Variants in POU6F2 observed in about 807,000 individuals in gnomAD.
POU6F2 encodes the protein POU class 6 homeobox 2, also known as POU domain, class 6, transcription factor 2.
Under a neutral mutation model 71.3 loss-of-function variants are expected in POU6F2, and 31 were observed. The ratio of observed to expected loss-of-function variants is 0.43; its 90% CI spans 0.33 to 0.59. The LOEUF (loss-of-function observed/expected upper bound fraction) is 0.59, where lower values mean the gene tolerates loss of function less well. Among genes scored for constraint, POU6F2 ranks in the 20% least tolerant of loss-of-function variants. The pLI is 0.04. For missense variants in POU6F2, 783 were observed against 856.8 expected (o/e 0.91, Z 1.07); for synonymous variants, 347 against 355.7 (o/e 0.98, Z 0.27).
At chr7:39,144,685 A>T (rs1792578889) in intron 2 of POU6F2, among the ~76,000 whole-genome samples, 1 of 152,116 alleles carries the variant, frequency 6.6e-6, no homozygotes, top group South Asian at 2.1e-4. Flanking sequence ...GCTTTCTAGT[A>T]CCTCCACGGG....
chr7:39,024,739 A>C (rs1011828326), intron 1 of POU6F2, among the ~76,000 whole-genome samples: 21 of 151,970 alleles, frequency 1.4e-4, no homozygotes, highest in Non-Finnish European at 2.5e-4. Flanking sequence ...TGTCAAAGGC[A>C]TTTTCTGCAT....
At position 39,027,422 on chromosome 7, in the gene POU6F2, T is replaced by C. The variant is rs574757610; in HGVS notation, c.105+49364T>C. ...GGCACTGCAGTGCTCAAAACCCTAT[T>C]GCCCACAAGGGCTTTTAAAAACCTG... is the stretch of plus-strand genomic sequence containing the variant. On this transcript the variant is annotated intron_variant, in intron 1 of 9. Coordinates refer to ENST00000518318, the MANE Select transcript of POU6F2 (RefSeq NM_001370959.1). Among the ~76,000 whole-genome samples, 65 of 152,274 alleles carry C rather than the reference T, an allele frequency of 4.3e-4. 1 individual carries two copies. The highest frequency in any genetic ancestry group is 1.2e-3 in the Admixed American group (18 of 15,288).
At chr7:39,409,605 T>C (rs1363144851) in intron 6 of POU6F2, among the ~76,000 whole-genome samples, 1 of 151,752 alleles carries the variant, frequency 6.6e-6, no homozygotes, top group Non-Finnish European at 1.5e-5. Context: ...ATACCCAGTG[T>C]CTCACAGGGC....
intron 5 of POU6F2, among the ~76,000 whole-genome samples, chr7:39,353,230 G>A (rs1271845765): frequency 6.6e-6 from 1 of 152,182 alleles, no homozygotes; most frequent in Non-Finnish European, 1.5e-5. Context: ...CATCTTCAAA[G>A]AACAGAAACC....
intron 5 of POU6F2, chr7:39,373,583 C>A (rs990492570): frequency 1.3e-5 from 6 of 455,858 alleles, no homozygotes; most frequent in African/African-American, 1.2e-4. Flanking sequence ...AAGTGGAGAA[C>A]TGCCTACCTA....
intron 1 of POU6F2, among the ~76,000 whole-genome samples, chr7:38,987,465 T>A (rs1788491149): frequency 6.6e-6 from 1 of 152,168 alleles, no homozygotes; most frequent in Non-Finnish European, 1.5e-5. Flanking sequence ...ATTCAGTTAG[T>A]GTATCTAGAT....
At chr7:39,393,288 A>C (rs867075048) in intron 5 of POU6F2, among the ~76,000 whole-genome samples, 5 of 152,068 alleles carry the variant, frequency 3.3e-5, no homozygotes, top group Admixed American at 6.6e-5. Flanking sequence ...TATTTTCTCT[A>C]ATAATTTAGA....
At chr7:39,149,372 T>A (rs1031677133) in intron 2 of POU6F2, among the ~76,000 whole-genome samples, 1 of 152,244 alleles carries the variant, frequency 6.6e-6, no homozygotes, top group Non-Finnish European at 1.5e-5. Context: ...ATCCAGTGTT[T>A]TTATTTATTT....
intron 2 of POU6F2, among the ~76,000 whole-genome samples, chr7:39,148,732 A>C (rs1411295258): frequency 6.6e-6 from 1 of 152,210 alleles, no homozygotes; most frequent in African/African-American, 2.4e-5. Flanking sequence ...ACAATGAAAG[A>C]GGTTAAGTGA....
intron 4 of POU6F2, among the ~76,000 whole-genome samples, chr7:39,208,189 A>T: frequency 6.6e-6 from 1 of 152,350 alleles, no homozygotes; most frequent in East Asian, 1.9e-4. Flanking sequence ...CTACAGGGAC[A>T]TATAACAAGT....
Position 39,207,406 on chromosome 7 carries a change from A to G in POU6F2, c.384A>G (p.Ala128=). Residue 128 remains alanine, a synonymous_variant, in exon 4 of 10, where the codon GCA becomes GCG. Transcript: ENST00000518318. ...FPVGPQPLLT[A]QQLASAVAGV... ...TTTCCTTGCAGCCACTTCTGACGGCACAGCAGTTAGCTTCTGCTGTGGCCG... is the reference window on the plus strand; with the variant it reads ...TTTCCTTGCAGCCACTTCTGACGGCGCAGCAGTTAGCTTCTGCTGTGGCCG... The G allele has an allele frequency of 6.2e-7, 1 of 1,614,008 alleles. No homozygotes were observed. Among genetic ancestry groups the G allele is most frequent in the Non-Finnish European group, 8.5e-7 (1 of 1,179,862 alleles).
intron 4 of POU6F2, among the ~76,000 whole-genome samples, chr7:39,232,287 G>A (rs1794591960): frequency 6.6e-6 from 1 of 151,786 alleles, no homozygotes; most frequent in African/African-American, 2.4e-5. Context: ...AAGCACAAAG[G>A]ACAAGTAAAT....
At chr7:39,104,861 T>C (rs568233437) in intron 2 of POU6F2, among the ~76,000 whole-genome samples, 5 of 152,362 alleles carry the variant, frequency 3.3e-5, no homozygotes, top group Non-Finnish European at 7.3e-5. Context: ...TGAAGAGATA[T>C]TTGAATGGAT....
intron 4 of POU6F2, among the ~76,000 whole-genome samples, chr7:39,280,350 C>G (rs1031970513): frequency 1.3e-5 from 2 of 152,190 alleles, no homozygotes; most frequent in African/African-American, 4.8e-5. Flanking sequence ...TGTGTTCAAC[C>G]AAGGAAACAC....
At chr7:39,373,328 A>G (rs1786649658) in intron 5 of POU6F2, 1 of 411,468 alleles carries the variant, frequency 2.4e-6, no homozygotes, top group Admixed American at 2.7e-5. Context: ...CACAGATTGT[A>G]AGTGCTAGAA....
At chr7:39,438,134 C>A (rs1218618922) in intron 7 of POU6F2, among the ~76,000 whole-genome samples, 3 of 152,142 alleles carry the variant, frequency 2.0e-5, no homozygotes, top group Admixed American at 2.0e-4. Context: ...TGTGATGTTC[C>A]CCTTCCTGTG....
intron 1 of POU6F2, among the ~76,000 whole-genome samples, chr7:39,012,783 C>A (rs1231252615): frequency 5.3e-4 from 80 of 150,156 alleles, no homozygotes; most frequent in Non-Finnish European, 7.8e-4. Context: ...AATACCCTGC[C>A]GTGTGAGGTG....
At chr7:39,143,673 C>A (rs1015702914) in intron 2 of POU6F2, among the ~76,000 whole-genome samples, 1 of 152,096 alleles carries the variant, frequency 6.6e-6, no homozygotes, top group African/African-American at 2.4e-5. Flanking sequence ...TTGTATTAGT[C>A]TTTGAACTTC....
rs977963631 is a variant in POU6F2, at chr7:39,207,802, C to G, written c.598+182C>G. ...GTTGTCTGTGAATCCTGAGCCTGCACAAGCCATTGGTTTTATCAATCCTCA... is the reference window on the plus strand; with the variant it reads ...GTTGTCTGTGAATCCTGAGCCTGCAGAAGCCATTGGTTTTATCAATCCTCA... On this transcript the variant is annotated intron_variant, in intron 4 of 9. Coordinates refer to ENST00000518318, the MANE Select transcript of POU6F2 (RefSeq NM_001370959.1). 4.6e-5 allele frequency among the ~76,000 whole-genome samples: 7 copies of G among 152,200 alleles called. No homozygotes were observed. In the South Asian group the frequency reaches 1.4e-3, roughly 32 times the overall value.
Sources: gnomAD v4.1 joint callset for allele counts (sites outside exome capture counted in the v4.1 genomes callset) on GRCh38, gnomAD v4.1.1 for gene constraint, MANE v1.5 for transcripts, NCBI Gene and HGNC (gene_info 2026-07-23, HGNC 2026-07-21) for gene names.